Variants in TG observed in about 807,000 individuals in gnomAD.
TG encodes thyroid hormones.
Under a neutral mutation model 324.7 loss-of-function variants are expected in TG, and 270 were observed. The ratio of observed to expected loss-of-function variants is 0.83; its 90% CI spans 0.75 to 0.92. The LOEUF (loss-of-function observed/expected upper bound fraction) is 0.92. TG is among the 40% of genes least tolerant of loss of function. The probability of loss-of-function intolerance (pLI) is 0.00; values close to 1 mark genes in which losing one functional copy is unlikely to be tolerated. For synonymous variants in TG, 1,401 were observed against 1,327.0 expected, an observed-to-expected ratio of 1.06 and a Z score of -1.21; for missense variants, 3,591 against 3,456.4, an observed-to-expected ratio of 1.04 and a Z score of -0.98.
At chr8:133,044,141 T>C (rs564622767) in intron 41 of TG, among the ~76,000 whole-genome samples, 1 of 152,340 alleles carries the variant, frequency 6.6e-6, no homozygotes, top group East Asian at 1.9e-4. Context: ...GGATCTGGGA[T>C]AGAAACAGAG....
At chr8:132,935,978 C>T in intron 25 of TG, 114 bp downstream of exon 25, 1 of 794,010 alleles carries the variant, frequency 1.3e-6, no homozygotes, top group Non-Finnish European at 2.2e-6. Flanking sequence ...GCTCCCCACT[C>T]CACACCCTCA....
chr8:132,995,376 T>C, intron 35 of TG: 3 of 985,186 alleles, frequency 3.0e-6, no homozygotes, highest in Non-Finnish European at 3.6e-6. Flanking sequence ...GTCTCTAACG[T>C]GGAGGGCAAC....
At chr8:133,128,837 G>A (rs556144802) in intron 45 of TG, among the ~76,000 whole-genome samples, 14 of 152,282 alleles carry the variant, frequency 9.2e-5, no homozygotes, top group South Asian at 2.1e-4. Context: ...CAGCTGCCAC[G>A]GGTCTGGACC....
At chr8:133,000,672 G>T (rs537656839) in intron 35 of TG, among the ~76,000 whole-genome samples, 3 of 152,296 alleles carry the variant, frequency 2.0e-5, no homozygotes, top group South Asian at 2.1e-4. Context: ...GTGCCGCTTC[G>T]TACAGGAGAT....
At chr8:132,908,702 G>A (rs1441206419) in intron 18 of TG, among the ~76,000 whole-genome samples, 2 of 152,152 alleles carry the variant, frequency 1.3e-5, no homozygotes, top group African/African-American at 4.8e-5. Flanking sequence ...TTTGCTCTTT[G>A]GGGAGATGAC....
chr8:132,962,266 T>C (rs182754259), intron 28 of TG, among the ~76,000 whole-genome samples: 118 of 152,272 alleles, frequency 7.7e-4, no homozygotes, highest in African/African-American at 2.7e-3. Flanking sequence ...ACCCATAATG[T>C]AGGCCTAAAG....
At chr8:133,096,502 GT>G in intron 43 of TG, 129 bp downstream of exon 43, 1 of 1,137,372 alleles carries the variant, frequency 8.8e-7, no homozygotes, top group Non-Finnish European at 1.3e-6. Context: ...GCCTATGTGA[GT>G]TTAGGAGGTG....
At chr8:133,119,683 G>A (rs746455593) in intron 45 of TG, among the ~76,000 whole-genome samples, 5 of 152,046 alleles carry the variant, frequency 3.3e-5, no homozygotes, top group East Asian at 1.9e-4. Context: ...TTCCATTTCC[G>A]CCTATGAATT....
At chr8:132,994,563 T>C (rs776726104) in intron 35 of TG, among the ~76,000 whole-genome samples, 9 of 152,168 alleles carry the variant, frequency 5.9e-5, no homozygotes, top group African/African-American at 1.7e-4. Context: ...AGTGATAGTA[T>C]GTTACAAGTG....
At chr8:133,036,461 C>T (rs966493934) in intron 41 of TG, among the ~76,000 whole-genome samples, 7 of 152,166 alleles carry the variant, frequency 4.6e-5, no homozygotes, top group Non-Finnish European at 8.8e-5. Flanking sequence ...CTAGGCAGGA[C>T]GTTTTTATAA....
chr8:132,887,131 G>T lies in TG; in HGVS notation c.1759G>T (p.Val587Leu), dbSNP rs762856516. 2 of 1,614,192 alleles carry T rather than the reference G, an allele frequency of 1.2e-6. No individual in the cohort carries two copies. Among genetic ancestry groups the T allele is most frequent in the Non-Finnish European group, 1.7e-6 (2 of 1,180,044 alleles). ...TCTCTTCTTGCAACATGCTATCTCT[G>T]TGCCAGAAGATGTGGCAAGAGATTT... ...FLLFLQHAIS[V>L]PEDVARDLGD... Residue 587 changes from valine to leucine, a missense_variant, in exon 9 of 48, where the codon GTG becomes TTG. Coordinates refer to ENST00000220616, the MANE Select transcript of TG (RefSeq NM_003235.5).
intron 10 of TG, among the ~76,000 whole-genome samples, chr8:132,891,636 G>A (rs908147236): frequency 2.7e-4 from 41 of 152,244 alleles, no homozygotes; most frequent in African/African-American, 8.9e-4. Context: ...CATCCAGCTG[G>A]GGACAGATTT....
intron 45 of TG, among the ~76,000 whole-genome samples, chr8:133,125,057 A>G (rs1291338509): frequency 1.3e-5 from 2 of 152,244 alleles, no homozygotes; most frequent in African/African-American, 4.8e-5. Context: ...ACTCCTTGAC[A>G]TAATAGGGTT....
At chr8:133,062,826 C>T (rs757192626) in intron 41 of TG, among the ~76,000 whole-genome samples, 5 of 151,526 alleles carry the variant, frequency 3.3e-5, no homozygotes, top group East Asian at 1.9e-4. Context: ...TCAGGAAGCA[C>T]ACATGTGACA....
At chr8:132,997,300 G>C (rs1587719910) in intron 35 of TG, among the ~76,000 whole-genome samples, 2 of 152,282 alleles carry the variant, frequency 1.3e-5, no homozygotes, top group South Asian at 4.1e-4. Context: ...TATGTGTTCA[G>C]TTTTCAACAT....
chr8:133,093,951 T>C (rs915004424), intron 41 of TG, among the ~76,000 whole-genome samples: 3 of 152,108 alleles, frequency 2.0e-5, no homozygotes, highest in African/African-American at 7.2e-5. Flanking sequence ...TCCACAGTGG[T>C]TGCTATTATT....
chr8:133,107,217 A>G (rs1849877280), intron 43 of TG, among the ~76,000 whole-genome samples: 1 of 152,204 alleles, frequency 6.6e-6, no homozygotes, highest in Non-Finnish European at 1.5e-5. Context: ...GCCACAGAAT[A>G]GAGCTAGATT....
rs1281979345 is a variant in TG, at chr8:133,019,625, C to T, written c.6806C>T (p.Thr2269Ile). 2 of 1,613,804 alleles carry T rather than the reference C, an allele frequency of 1.2e-6. No individual in the cohort carries two copies. The highest frequency in any genetic ancestry group is 2.2e-5 in the East Asian group (1 of 44,866). Residue 2269 changes from threonine to isoleucine, a missense_variant, in exon 39 of 48, where the codon ACC (threonine) becomes ATC (isoleucine). Transcript: ENST00000220616. ...AGGGCCAGCTGCTGGCAGCCAGGCA[C>T]CAGAACATCCACGTCTCCTGGAGTC... is the stretch of plus-strand genomic sequence containing the variant. ...KPRASCWQPG[T>I]RTSTSPGVSE...
chr8:132,886,534 C>A lies in TG; in HGVS notation c.1162C>A (p.Leu388Met). The stretch of plus-strand genomic sequence containing the variant: ...CTCAGGCTACTTCAGCCAGCACGAC[C>A]TGTTCTCTTCCCCAGAGAAAAGATG... ...GTSGYFSQHD[L>M]FSSPEKRWAS... is the part of the protein sequence containing the mutation. The change falls in exon 9 of 48, where the codon CTG (leucine) becomes ATG (methionine). Residue 388 changes from leucine to methionine, a missense_variant. Leu to Met is a conservative substitution (Grantham distance 15). Coordinates refer to ENST00000220616, the MANE Select transcript of TG (RefSeq NM_003235.5). 6.2e-7 allele frequency: 1 copy of A among 1,614,230 alleles called. No homozygotes were observed. The highest frequency in any genetic ancestry group is 1.1e-5 in the South Asian group (1 of 91,084).
Sources: gnomAD v4.1 joint callset for allele counts (sites outside exome capture counted in the v4.1 genomes callset) on GRCh38, gnomAD v4.1.1 for gene constraint, MANE v1.5 for transcripts, NCBI Gene and HGNC (gene_info 2026-07-23, HGNC 2026-07-21) for gene names.